The following GLT1D1 variants were observed in gnomAD, a reference collection of about 807,000 sequenced individuals.
GLT1D1 encodes glycosyltransferase 1 domain-containing protein 1.
Under a neutral mutation model 28.7 loss-of-function variants are expected in GLT1D1, and 21 were observed. The ratio of observed to expected loss-of-function variants is 0.73; its 90% CI spans 0.52 to 1.05. The LOEUF (loss-of-function observed/expected upper bound fraction) is 1.05, where lower values mean the gene tolerates loss of function less well. Among genes scored for constraint, GLT1D1 ranks in the 50% least tolerant of loss-of-function variants. GLT1D1 has a pLI of 0.00. For synonymous variants in GLT1D1, 147 were observed against 124.8 expected (o/e 1.18, Z -1.19); for missense variants, 343 against 330.6 (o/e 1.04, Z -0.29).
At position 128,888,629 on chromosome 12, in the gene GLT1D1, C is replaced by T. The variant is rs778717698; in HGVS notation, c.218-10C>T. On this transcript the variant is annotated splice_polypyrimidine_tract_variant and intron_variant, in intron 2 of 7. Transcript: ENST00000281703. ...CTAAATTCTGCTTTGTGACTGTCATCGTTTTGCAGGCCACCGAATCCCTTT... is the reference window on the plus strand; with the variant it reads ...CTAAATTCTGCTTTGTGACTGTCATTGTTTTGCAGGCCACCGAATCCCTTT... The T allele has an allele frequency of 8.8e-6, 14 of 1,584,872 alleles. No individual in the cohort carries two copies. The highest frequency in any genetic ancestry group is 2.7e-5 in the African/African-American group (2 of 74,086).
chr12:128,879,378 T>TTTTCTTTTTTTC, intron 2 of GLT1D1, among the ~76,000 whole-genome samples: 1 of 69,976 alleles, frequency 1.4e-5, no homozygotes, highest in Admixed American at 1.5e-4. Context: ...ATTTTTTTCT[T>TTTTCTTTTTTTC]TTTCTTTCTT....
chr12:128,938,655 A>C (rs1432348412), intron 4 of GLT1D1, among the ~76,000 whole-genome samples: 2 of 152,214 alleles, frequency 1.3e-5, no homozygotes, highest in African/African-American at 4.8e-5. Context: ...CTTGGTTTGT[A>C]ACTCATAATG....
chr12:128,912,972 G>T (rs1052724050), intron 4 of GLT1D1, among the ~76,000 whole-genome samples: 2 of 152,146 alleles, frequency 1.3e-5, no homozygotes, highest in East Asian at 3.8e-4. Context: ...ATAAATAGGA[G>T]AAATTATAAA....
intron 6 of GLT1D1, among the ~76,000 whole-genome samples, chr12:128,949,782 G>A (rs1483699928): frequency 6.6e-6 from 1 of 151,288 alleles, no homozygotes; most frequent in African/African-American, 2.4e-5. Context: ...ACACACACAC[G>A]CTCACACACA....
chr12:128,977,031 A>T (rs1879830232), intron 7 of GLT1D1, among the ~76,000 whole-genome samples: 1 of 152,222 alleles, frequency 6.6e-6, no homozygotes, highest in Admixed American at 6.5e-5. Context: ...CTGTAATCCC[A>T]GCTGCTTGGG....
In GLT1D1 at chr12:128,888,828, A is replaced by G. The variant is rs1483978629; in HGVS notation, c.323+84A>G. ...TTGAAACCAAAGACCGAGGGCACCAATTGCCGGGAAGGTTTACATCTTAGC... is the reference window on the plus strand; with the variant it reads ...TTGAAACCAAAGACCGAGGGCACCAGTTGCCGGGAAGGTTTACATCTTAGC... On this transcript the variant is annotated intron_variant, in intron 3 of 7. Coordinates refer to ENST00000281703, the MANE Select transcript of GLT1D1 (RefSeq NM_144669.3). The G allele has an allele frequency of 4.6e-6, 4 of 867,672 alleles. No individual in the cohort carries two copies. The Admixed American group carries it at 7.5e-5, about 16-fold the overall frequency. 53.7% of individuals were successfully genotyped at this position (867,672 alleles called of 1,614,324 possible). A position where few individuals can be genotyped will look rare whatever the true frequency, so the allele number is the denominator to read the frequency against.
chr12:128,958,560 G>C (rs1224833466), intron 7 of GLT1D1, among the ~76,000 whole-genome samples: 1 of 137,050 alleles, frequency 7.3e-6, no homozygotes, highest in Non-Finnish European at 1.5e-5. Flanking sequence ...GGGCAACATG[G>C]TGAAACCCCG....
At chr12:128,879,378 T>TTTTCTTTCCTTCTTTC (rs1956953653) in intron 2 of GLT1D1, among the ~76,000 whole-genome samples, 2 of 69,896 alleles carry the variant, frequency 2.9e-5, no homozygotes, top group East Asian at 4.3e-4. Context: ...ATTTTTTTCT[T>TTTTCTTTCCTTCTTTC]TTTCTTTCTT....
Position 128,875,902 on chromosome 12 carries a change from T to C in GLT1D1, c.69-12T>C, listed in dbSNP as rs1461446875. On this transcript the variant is annotated splice_polypyrimidine_tract_variant and intron_variant, in intron 1 of 7. Coordinates refer to ENST00000281703, the MANE Select transcript of GLT1D1 (RefSeq NM_144669.3). ...CCCTCATCTTCTCCTTTCTCTGTAT[T>C]TTTTGATAAAGGGCCCATCTAGAGG... is the stretch of plus-strand genomic sequence containing the variant. 5.6e-6 allele frequency: 9 copies of C among 1,610,054 alleles called. No homozygotes were observed. Among genetic ancestry groups the C allele is most frequent in the Non-Finnish European group, 6.8e-6 (8 of 1,178,370 alleles).
intron 7 of GLT1D1, among the ~76,000 whole-genome samples, chr12:128,974,886 G>C (rs759662851): frequency 6.6e-6 from 1 of 152,354 alleles, no homozygotes; most frequent in South Asian, 2.1e-4. Flanking sequence ...GAGGCCCTTG[G>C]CCAGAGGCCA....
At chr12:128,921,845 C>T (rs778058847) in intron 4 of GLT1D1, among the ~76,000 whole-genome samples, 9 of 151,932 alleles carry the variant, frequency 5.9e-5, no homozygotes, top group Non-Finnish European at 1.2e-4. Flanking sequence ...ACGTCACCTG[C>T]GTTCTTCACA....
rs757568901 is a variant in GLT1D1 at position 128,875,987 on chromosome 12, G to A, written c.142G>A (p.Ala48Thr). 2 of 1,613,790 alleles carry A rather than the reference G, an allele frequency of 1.2e-6. No homozygotes were observed. Among genetic ancestry groups the A allele is most frequent in the South Asian group, 1.1e-5 (1 of 91,076 alleles). The stretch of plus-strand genomic sequence containing the variant: ...TGACTTTGAAAGCCGATCTGAGATT[G>A]CAAACCTCATCTTGGCTGAGAACTG... Residue 48 changes from alanine to threonine, a missense_variant, in exon 2 of 8, where the codon GCA (alanine) becomes ACA (threonine). Transcript: ENST00000281703.
At chr12:128,879,435 TTTCTTTCTTTCTTTCTTTCTTTC>T (rs1956972157) in intron 2 of GLT1D1, among the ~76,000 whole-genome samples, 2 of 120,290 alleles carry the variant, frequency 1.7e-5, no homozygotes, top group Admixed American at 9.0e-5. Context: ...TCTTTCTTTC[TTTCTTTCTTTCTTTCTTTCTTTC>T]TTTTTTTTGG....
intron 1 of GLT1D1, among the ~76,000 whole-genome samples, chr12:128,863,978 A>G (rs563682580): frequency 6.8e-6 from 1 of 147,964 alleles, no homozygotes; most frequent in East Asian, 2.0e-4. Flanking sequence ...AAGTGTATAG[A>G]TCTGAATACT....
chr12:128,957,828 G>A (rs1399421042), intron 7 of GLT1D1, among the ~76,000 whole-genome samples, 185 bp downstream of exon 11: 1 of 152,182 alleles, frequency 6.6e-6, no homozygotes, highest in Admixed American at 6.5e-5. Flanking sequence ...GAAGCCTAGG[G>A]AACAGGAGCA....
intron 7 of GLT1D1, among the ~76,000 whole-genome samples, chr12:128,970,630 C>A (rs1372453889): frequency 6.6e-6 from 1 of 152,270 alleles, no homozygotes; most frequent in African/African-American, 2.4e-5. Flanking sequence ...TCGTTCCAGG[C>A]TTCTCTGTCC....
chr12:128,888,578 A>G, intron 2 of GLT1D1, 61 bp from the exon 3 acceptor site: 1 of 1,054,382 alleles, frequency 9.5e-7, no homozygotes, highest in African/African-American at 1.6e-5. Context: ...TTGCTTGGGA[A>G]TGGTTGGTGA....
chr12:128,853,776 C>G, intron 1 of GLT1D1, 127 bp downstream of exon 1: 1 of 606,768 alleles, frequency 1.6e-6, no homozygotes, highest in Non-Finnish European at 2.1e-6. Flanking sequence ...CCGAGCCGCG[C>G]GCACAAACGG....
intron 2 of GLT1D1, among the ~76,000 whole-genome samples, chr12:128,877,742 A>C (rs1307701340): frequency 1.3e-5 from 2 of 152,238 alleles, no homozygotes; most frequent in Non-Finnish European, 2.9e-5. Flanking sequence ...TTACATAACA[A>C]ATTACCCCCT....
Sources: gnomAD v4.1 joint callset for allele counts (sites outside exome capture counted in the v4.1 genomes callset) on GRCh38, gnomAD v4.1.1 for gene constraint, MANE v1.5 for transcripts, NCBI Gene and HGNC (gene_info 2026-07-23, HGNC 2026-07-21) for gene names.